PDZRN3: variants seen among roughly 807,000 people sequenced by gnomAD.
The protein encoded by PDZRN3 is PDZ domain containing ring finger 3.
A neutral mutation model predicts 85.7 loss-of-function variants in PDZRN3; 38 were observed. That is an observed-to-expected ratio of 0.44 (90% CI 0.34 to 0.58). The LOEUF (loss-of-function observed/expected upper bound fraction) is 0.58, where lower values mean the gene tolerates loss of function less well. Among genes scored for constraint, PDZRN3 ranks in the 20% least tolerant of loss-of-function variants. PDZRN3 has a pLI of 0.01. For missense variants in PDZRN3, 1,629 were observed against 1,506.4 expected (o/e 1.08, Z -1.35); for synonymous variants, 759 against 638.0 (o/e 1.19, Z -2.86).
intron 2 of PDZRN3, among the ~76,000 whole-genome samples, chr3:73,606,867 A>G (rs1224046627): frequency 2.0e-5 from 3 of 152,204 alleles, no homozygotes; most frequent in Admixed American, 6.5e-5. Flanking sequence ...AGGGAATTTA[A>G]TCATAAATCT....
rs560593644 is a variant in PDZRN3 at position 73,577,381 on chromosome 3, A to G, written c.918+24973T>C. 4.5e-4 allele frequency among the ~76,000 whole-genome samples: 68 copies of G among 152,336 alleles called. 1 individual carries two copies. The highest frequency in any genetic ancestry group is 1.6e-3 in the African/African-American group (66 of 41,582). On this transcript the variant is annotated intron_variant, in intron 3 of 9. Transcript: ENST00000263666. ...GCAGATGTTTGTGATGACAAGGATT[A>G]ATAAATAACAAGAGTCCTTGGTACC...
chr3:73,435,450 C>T (rs1423831060), intron 3 of PDZRN3, among the ~76,000 whole-genome samples: 5 of 152,250 alleles, frequency 3.3e-5, no homozygotes, highest in Non-Finnish European at 5.9e-5. Flanking sequence ...CCCATGAGTA[C>T]GTTATTGGCC....
rs75437201 is a variant in PDZRN3 at position 73,551,899 on chromosome 3, G to A, written c.918+50455C>T. ...ACACAAAGGCCATTATCCTTCCCCT[G>A]TTGTACCTGTGAAAAGCCTGAGGTC... is the stretch of plus-strand genomic sequence containing the variant. On this transcript the variant is annotated intron_variant, in intron 3 of 9. Transcript: ENST00000263666. 5.3e-5 allele frequency among the ~76,000 whole-genome samples: 8 copies of A among 152,144 alleles called. No individual in the cohort carries two copies. The East Asian group carries it at 1.4e-3, about 26-fold the overall frequency.
In PDZRN3 at chr3:73,384,633, G is replaced by C. The variant is rs576916211; in HGVS notation, c.1933C>G (p.Arg645Gly). 1 of 1,613,822 alleles carries C rather than the reference G, an allele frequency of 6.2e-7. No individual in the cohort carries two copies. The highest frequency in any genetic ancestry group is 1.3e-5 in the African/African-American group (1 of 75,062). The change falls in exon 10 of 10, where the codon CGC becomes GGC. Residue 645 changes from arginine (R) to glycine (G), a missense_variant. Transcript: ENST00000263666. The part of the protein sequence containing the change: ...YLGIPVDECE[R>G]FRELLELKCQ... ...TTGAGCTCCAGGAGCTCGCGGAAGC[G>C]CTCGCACTCGTCCACCGGGATCCCC...
In PDZRN3 at chr3:73,384,642, C is replaced by T. The variant is rs776472778; in HGVS notation, c.1924G>A (p.Glu642Lys). 5 of 1,613,814 alleles carry T rather than the reference C, an allele frequency of 3.1e-6. No homozygotes were observed. The highest frequency in any genetic ancestry group is 1.7e-5 in the Admixed American group (1 of 60,016). The stretch of plus-strand genomic sequence containing the variant: ...AGGAGCTCGCGGAAGCGCTCGCACT[C>T]GTCCACCGGGATCCCCAGGTAGTCG... ...DADYLGIPVD[E>K]CERFRELLEL... Residue 642 changes from glutamate to lysine, a missense_variant, in exon 10 of 10, where the codon GAG becomes AAG. Glu to Lys is a moderately conservative substitution (Grantham distance 56, BLOSUM62 1). Transcript: ENST00000263666.
intron 1 of PDZRN3, among the ~76,000 whole-genome samples, chr3:73,610,736 G>A (rs540528150): frequency 1.3e-5 from 2 of 152,236 alleles, no homozygotes; most frequent in South Asian, 4.1e-4. Context: ...AATCTCAAGT[G>A]ATGCACAAAG....
intron 3 of PDZRN3, among the ~76,000 whole-genome samples, chr3:73,581,492 T>G (rs2106867266): frequency 6.6e-6 from 1 of 152,322 alleles, no homozygotes; most frequent in East Asian, 1.9e-4. Context: ...AAATACAATT[T>G]TAAAAACTGT....
chr3:73,573,275 A>C (rs556468845), intron 3 of PDZRN3, among the ~76,000 whole-genome samples: 7 of 152,306 alleles, frequency 4.6e-5, no homozygotes, highest in African/African-American at 1.7e-4. Flanking sequence ...ACCCAGAATC[A>C]TATGTTCTTG....
At chr3:73,601,069 G>A (rs1702509271) in intron 3 of PDZRN3, among the ~76,000 whole-genome samples, 1 of 152,186 alleles carries the variant, frequency 6.6e-6, no homozygotes, top group Non-Finnish European at 1.5e-5. Flanking sequence ...CGAGGAGGGA[G>A]CCTTACACCC....
chr3:73,446,622 C>G (rs532031715), intron 3 of PDZRN3, among the ~76,000 whole-genome samples: 3 of 152,244 alleles, frequency 2.0e-5, no homozygotes, highest in African/African-American at 4.8e-5. Flanking sequence ...ATCTGCCTGA[C>G]TCTCTGTACA....
At chr3:73,548,211 C>CA (rs1487954383) in intron 3 of PDZRN3, among the ~76,000 whole-genome samples, 1 of 152,206 alleles carries the variant, frequency 6.6e-6, no homozygotes, top group African/African-American at 2.4e-5. Context: ...AGAGAGAGAG[C>CA]AAGCACTACA....
chr3:73,513,638 G>T (rs1394370444), intron 3 of PDZRN3, among the ~76,000 whole-genome samples: 1 of 152,138 alleles, frequency 6.6e-6, no homozygotes, highest in East Asian at 1.9e-4. Context: ...CTCAAACCAA[G>T]AATTTAACAT....
At chr3:73,438,527 G>A (rs979408074) in intron 3 of PDZRN3, among the ~76,000 whole-genome samples, 10 of 152,236 alleles carry the variant, frequency 6.6e-5, no homozygotes, top group African/African-American at 2.4e-4. Context: ...AAAGAAGTGA[G>A]ATGGCAGGAC....
chr3:73,584,866 GA>G (rs917610197), intron 3 of PDZRN3, among the ~76,000 whole-genome samples: 42 of 152,118 alleles, frequency 2.8e-4, no homozygotes, highest in Admixed American at 1.4e-3. Context: ...TTGTAATTGG[GA>G]TATCACCCAC....
intron 3 of PDZRN3, among the ~76,000 whole-genome samples, chr3:73,421,667 G>C (rs905402222): frequency 3.3e-5 from 5 of 152,018 alleles, no homozygotes; most frequent in Admixed American, 3.3e-4. Context: ...AATTTTTTTT[G>C]AGACAGAGTC....
intron 3 of PDZRN3, chr3:73,569,197 G>C: frequency 1.6e-6 from 2 of 1,289,048 alleles, no homozygotes; most frequent in South Asian, 2.5e-5. Context: ...TTCATCAGGA[G>C]GAATCAGATT....
At chr3:73,602,274 A>G (rs2106896250) in intron 3 of PDZRN3, 80 bp downstream of exon 3, 2 of 780,190 alleles carry the variant, frequency 2.6e-6, no homozygotes, top group Non-Finnish European at 2.2e-6. Flanking sequence ...CTCCCTCCCC[A>G]GTCAAACATC....
intron 3 of PDZRN3, among the ~76,000 whole-genome samples, chr3:73,501,781 G>C (rs1703985241): frequency 6.6e-6 from 1 of 152,148 alleles, no homozygotes; most frequent in Non-Finnish European, 1.5e-5. Flanking sequence ...TTCAGAGGCT[G>C]AGGCGGGCAG....
chr3:73,526,728 C>T (rs961933995), intron 3 of PDZRN3, among the ~76,000 whole-genome samples: 3 of 152,138 alleles, frequency 2.0e-5, no homozygotes, highest in East Asian at 3.8e-4. Flanking sequence ...CAGTCTGTTG[C>T]GCAGGCTGGA....
Sources: gnomAD v4.1 joint callset for allele counts (sites outside exome capture counted in the v4.1 genomes callset) on GRCh38, gnomAD v4.1.1 for gene constraint, MANE v1.5 for transcripts, NCBI Gene and HGNC (gene_info 2026-07-23, HGNC 2026-07-21) for gene names.